Variants in HS6ST3 observed in about 807,000 individuals in gnomAD.
HS6ST3 encodes heparan-sulfate 6-O-sulfotransferase 3.
Under a neutral mutation model 36.7 loss-of-function variants are expected in HS6ST3, and 12 were observed. The observed-to-expected ratio is 0.33, with a 90% CI of 0.21 to 0.53. HS6ST3 has a LOEUF of 0.53. HS6ST3 is among the 20% of genes least tolerant of loss of function. The pLI, the probability that HS6ST3 is intolerant of heterozygous loss-of-function variation, is 0.95. For missense variants in HS6ST3, 584 were observed against 640.9 expected, an observed-to-expected ratio of 0.91 and a Z score of 0.96; for synonymous variants, 240 against 257.5, an observed-to-expected ratio of 0.93 and a Z score of 0.65.
intron 1 of HS6ST3, among the ~76,000 whole-genome samples, chr13:96,336,801 TTCTTA>T (rs2055103686): frequency 1.3e-5 from 2 of 152,238 alleles, no homozygotes; most frequent in East Asian, 1.9e-4. Context: ...TACTCTCATG[TTCTTA>T]TCTTGAGTTT....
intron 1 of HS6ST3, among the ~76,000 whole-genome samples, chr13:96,290,733 A>C (rs531288296): frequency 6.6e-6 from 1 of 152,284 alleles, no homozygotes; most frequent in South Asian, 2.1e-4. Context: ...CTTGGCTCAG[A>C]ACCCACCTAT....
chr13:96,299,592 T>G (rs2054871505), intron 1 of HS6ST3, among the ~76,000 whole-genome samples: 1 of 152,058 alleles, frequency 6.6e-6, no homozygotes, highest in African/African-American at 2.4e-5. Flanking sequence ...GGATCCAGTG[T>G]CAAAAGGAAA....
intron 1 of HS6ST3, among the ~76,000 whole-genome samples, chr13:96,701,171 A>G (rs2138452763): frequency 1.3e-5 from 2 of 152,362 alleles, no homozygotes; most frequent in Middle Eastern, 3.4e-3. Flanking sequence ...ATCTAACAAA[A>G]GAAGTACTAT....
chr13:96,348,847 G>T (rs1163933384), intron 1 of HS6ST3, among the ~76,000 whole-genome samples: 2 of 152,178 alleles, frequency 1.3e-5, no homozygotes, highest in Non-Finnish European at 1.5e-5. Context: ...AGAGGAGCAG[G>T]TGAAGAAAAG....
intron 1 of HS6ST3, among the ~76,000 whole-genome samples, chr13:96,253,041 G>A (rs920479868): frequency 1.3e-5 from 2 of 152,204 alleles, no homozygotes; most frequent in African/African-American, 2.4e-5. Context: ...CATGTGAATC[G>A]TGCTCAGAGA....
At chr13:96,335,514 A>G (rs1481380284) in intron 1 of HS6ST3, among the ~76,000 whole-genome samples, 1 of 152,116 alleles carries the variant, frequency 6.6e-6, no homozygotes, top group Non-Finnish European at 1.5e-5. Context: ...GGCTCTGGTT[A>G]TTTGGTACCT....
At chr13:96,802,920 T>C (rs1409760862) in intron 1 of HS6ST3, among the ~76,000 whole-genome samples, 2 of 152,190 alleles carry the variant, frequency 1.3e-5, no homozygotes, top group African/African-American at 4.8e-5. Context: ...TCAATCTGCA[T>C]ATTCAGTTGT....
intron 1 of HS6ST3, among the ~76,000 whole-genome samples, chr13:96,651,181 A>G (rs777238678): frequency 2.0e-5 from 3 of 151,970 alleles, no homozygotes; most frequent in African/African-American, 4.8e-5. Flanking sequence ...ATATTTATTG[A>G]GCTCCTACTA....
intron 1 of HS6ST3, among the ~76,000 whole-genome samples, chr13:96,812,433 C>A (rs1448337182): frequency 6.6e-6 from 1 of 152,148 alleles, no homozygotes; most frequent in African/African-American, 2.4e-5. Flanking sequence ...TCCAACCCCT[C>A]CATGCTAAGA....
intron 1 of HS6ST3, chr13:96,427,232 GTGACCTCGGA>G (rs1473046971): frequency 6.5e-6 from 1 of 154,318 alleles, no homozygotes; most frequent in African/African-American, 2.4e-5. Flanking sequence ...CACTTGTTAT[GTGACCTCGGA>G]TGAATCACTG....
chr13:96,124,713 G>A (rs2053942091), intron 1 of HS6ST3, among the ~76,000 whole-genome samples: 1 of 152,186 alleles, frequency 6.6e-6, no homozygotes, highest in East Asian at 1.9e-4. Flanking sequence ...TCCACATTAA[G>A]ACCTGGTTTA....
rs2056318050 is a variant in HS6ST3 at position 96,575,693 on chromosome 13, T to C, written c.708-256797T>C. Among the ~76,000 whole-genome samples the C allele has an allele frequency of 2.6e-5, 4 of 152,224 alleles. No homozygotes were observed. The South Asian group carries it at 8.3e-4, about 32-fold the overall frequency. On this transcript the variant is annotated intron_variant, in intron 1 of 1. Transcript: ENST00000376705. ...AATAGCTTGTTTTAATCTAGGCAAT[T>C]CCAACTTTCATGTGACGTATTTCCC... is the stretch of plus-strand genomic sequence containing the variant.
intron 1 of HS6ST3, among the ~76,000 whole-genome samples, chr13:96,756,384 C>A (rs933851934): frequency 1.3e-5 from 2 of 152,004 alleles, no homozygotes; most frequent in Non-Finnish European, 2.9e-5. Flanking sequence ...AACTTATTTT[C>A]TTTTATACTT....
chr13:96,269,840 T>A (rs2054711107), intron 1 of HS6ST3, among the ~76,000 whole-genome samples: 1 of 151,994 alleles, frequency 6.6e-6, no homozygotes, highest in African/African-American at 2.4e-5. Context: ...TGGCAGTTCA[T>A]AATGTAGCTA....
chr13:96,152,642 T>G (rs2054091996), intron 1 of HS6ST3, among the ~76,000 whole-genome samples: 1 of 152,082 alleles, frequency 6.6e-6, no homozygotes, highest in Non-Finnish European at 1.5e-5. Context: ...TGGCTCCTCT[T>G]TTTTTAATAC....
intron 1 of HS6ST3, among the ~76,000 whole-genome samples, chr13:96,570,629 A>C (rs2056297625): frequency 6.6e-6 from 1 of 152,190 alleles, no homozygotes; most frequent in South Asian, 2.1e-4. Flanking sequence ...GGTTCATTCT[A>C]GAAGCATTTA....
Position 96,225,088 on chromosome 13 carries a change from G to A in HS6ST3, c.707+133519G>A, listed in dbSNP as rs543048808. 8.1e-4 allele frequency among the ~76,000 whole-genome samples: 123 copies of A among 152,304 alleles called. 1 individual carries two copies. Among genetic ancestry groups the A allele is most frequent in the African/African-American group, 6.7e-4 (28 of 41,560 alleles). ...GAATGAAACATTTCCTTCAAGCATC[G>A]TAAGTATTTTGGGAGCTTAAAATGT... is the stretch of plus-strand genomic sequence containing the variant. On this transcript the variant is annotated intron_variant, in intron 1 of 1. Transcript: ENST00000376705.
chr13:96,165,291 T>C (rs994003892), intron 1 of HS6ST3, among the ~76,000 whole-genome samples: 3 of 152,176 alleles, frequency 2.0e-5, no homozygotes, highest in Non-Finnish European at 2.9e-5. Context: ...CCTCTTTTGG[T>C]GCAGTACATA....
intron 1 of HS6ST3, among the ~76,000 whole-genome samples, chr13:96,452,779 CTA>C (rs1334629010): frequency 1.3e-5 from 2 of 152,100 alleles, no homozygotes; most frequent in African/African-American, 2.4e-5. Flanking sequence ...TGGAATTCCT[CTA>C]TGTTTTTTAA....
Sources: gnomAD v4.1 joint callset for allele counts (sites outside exome capture counted in the v4.1 genomes callset) on GRCh38, gnomAD v4.1.1 for gene constraint, MANE v1.5 for transcripts, NCBI Gene and HGNC (gene_info 2026-07-23, HGNC 2026-07-21) for gene names.